SMPDL3A: variants seen among roughly 807,000 people sequenced by gnomAD.
SMPDL3A encodes the protein sphingomyelin phosphodiesterase acid like 3A, also known as cyclic GMP-AMP phosphodiesterase SMPDL3A.
Under a neutral mutation model 38.5 loss-of-function variants are expected in SMPDL3A, and 39 were observed. The ratio of observed to expected loss-of-function variants is 1.01; its 90% CI spans 0.78 to 1.32. The LOEUF is 1.32. Ranked by LOEUF, SMPDL3A falls within the 40% of genes most tolerant of loss-of-function variation. The pLI, the probability that SMPDL3A is intolerant of heterozygous loss-of-function variation, is 0.00. For synonymous variants in SMPDL3A, 180 were observed against 194.3 expected, an observed-to-expected ratio of 0.93 and a Z score of 0.61; for missense variants, 502 against 536.2, an observed-to-expected ratio of 0.94 and a Z score of 0.63.
chr6:122,796,754 G>A (rs777248239), intron 2 of SMPDL3A, 70 bp from the exon 3 acceptor site: 186 of 1,323,586 alleles, frequency 1.4e-4, no homozygotes, highest in Non-Finnish European at 1.8e-4. Context: ...GTATAGCAAC[G>A]CATCATGCAT....
rs1169977015 is a variant in SMPDL3A, at chr6:122,805,692, G to A, written c.920-541G>A. Among the ~76,000 whole-genome samples the A allele has an allele frequency of 2.0e-5, 3 of 152,080 alleles. No individual in the cohort carries two copies. In the South Asian group the frequency reaches 6.2e-4, roughly 32 times the overall value. On this transcript the variant is annotated intron_variant, in intron 6 of 7. Coordinates refer to ENST00000368440, the MANE Select transcript of SMPDL3A (RefSeq NM_006714.5). ...AGGCTGGAGCGCACCCTGCGATCTC[G>A]GCTCACTGCAACCTCTGCCTCCCTG...
chr6:122,799,842 A>G (rs1343791246), intron 3 of SMPDL3A, among the ~76,000 whole-genome samples: 1 of 152,194 alleles, frequency 6.6e-6, no homozygotes, highest in Non-Finnish European at 1.5e-5. Flanking sequence ...TTACCAATGT[A>G]CAGAAGTAAA....
rs1781504657 is a variant in SMPDL3A, at chr6:122,803,815, T to C, written c.720T>C (p.Ser240=). ...FEWLESTLNN[S]QQNKEKVYII... is the part of the protein sequence containing the mutation. ...GGCTAGAAAGTACATTGAACAACTC[T>C]CAGCAGAATAAGGAGAAGGTAGATC... is the stretch of plus-strand genomic sequence containing the variant. The change falls in exon 5 of 8, where the codon TCT becomes TCC. Residue 240 remains serine (S), a synonymous_variant. Coordinates refer to ENST00000368440, the MANE Select transcript of SMPDL3A (RefSeq NM_006714.5). 1 of 1,613,834 alleles carries C rather than the reference T, an allele frequency of 6.2e-7. No individual in the cohort carries two copies.
intron 3 of SMPDL3A, among the ~76,000 whole-genome samples, chr6:122,800,928 T>C (rs944881690): frequency 6.6e-6 from 1 of 152,134 alleles, no homozygotes; most frequent in Non-Finnish European, 1.5e-5. Context: ...TTTTTGTGTT[T>C]GTAGTAGAGA....
rs182883837 is a variant in SMPDL3A at position 122,793,453 on chromosome 6, C to T, written c.113-2224C>T. The stretch of plus-strand genomic sequence containing the variant: ...TTCATGTTCATTTACTATACCCTTA[C>T]ATTCTCGAAATAATACAAATACATG... On this transcript the variant is annotated intron_variant, in intron 1 of 7. Coordinates refer to ENST00000368440, the MANE Select transcript of SMPDL3A (RefSeq NM_006714.5). 2.6e-5 allele frequency among the ~76,000 whole-genome samples: 4 copies of T among 152,320 alleles called. No homozygotes were observed. The East Asian group carries it at 5.8e-4, about 22-fold the overall frequency.
chr6:122,795,366 C>A (rs1308497280), intron 1 of SMPDL3A, among the ~76,000 whole-genome samples: 1 of 152,132 alleles, frequency 6.6e-6, no homozygotes, highest in African/African-American at 2.4e-5. Flanking sequence ...TGGTCTCGAA[C>A]TCCTGACCTC....
Position 122,809,204 on chromosome 6 carries a change from A to C in SMPDL3A, c.1158A>C (p.Glu386Asp). ...ACGACATTGAAGATTTGCAGCCGGA[A>C]AGTTTATATGGATTAGCTAAACAAT... ...QTYDIEDLQP[E>D]SLYGLAKQFT... The change falls in exon 8 of 8, where the codon GAA (glutamate) becomes GAC (aspartate). Residue 386 changes from glutamate to aspartate, a missense_variant. Transcript: ENST00000368440. 6.2e-7 allele frequency: 1 copy of C among 1,614,204 alleles called. No individual in the cohort carries two copies. The highest frequency in any genetic ancestry group is 8.5e-7 in the Non-Finnish European group (1 of 1,180,020).
chr6:122,806,252 GT>G lies in SMPDL3A; in HGVS notation c.942del (p.Phe314LeufsTer9), dbSNP rs1781610676. 1.8e-5 allele frequency: 29 copies of G among 1,612,630 alleles called. No homozygotes were observed. The highest frequency in any genetic ancestry group is 2.4e-5 in the Non-Finnish European group (28 of 1,179,176). ...GTTCAGGAAGTCCAGTAAATTCTTT[GT>G]TTGTGGCTCCTGCTGTTACACCAGT... ...DKKGSPVNSL[F>X]VAPAVTPVKS... On this transcript the variant is annotated frameshift_variant, in exon 7 of 8. Coordinates refer to ENST00000368440, the MANE Select transcript of SMPDL3A (RefSeq NM_006714.5). LOFTEE classifies it high-confidence loss of function.
intron 1 of SMPDL3A, 21 bp from the exon 2 acceptor site, chr6:122,795,656 C>T (rs1234207773): frequency 6.4e-7 from 1 of 1,571,170 alleles, no homozygotes; most frequent in Non-Finnish European, 8.7e-7. Context: ...GATTTATCTG[C>T]ATTTTTTGTG....
intron 1 of SMPDL3A, chr6:122,790,013 A>C (rs1021877555): frequency 2.5e-5 from 6 of 239,886 alleles, no homozygotes; most frequent in Non-Finnish European, 3.4e-5. Context: ...CCTCGGGTAG[A>C]CTCACCCCTT....
At position 122,806,822 on chromosome 6, in the gene SMPDL3A, G is replaced by T. The variant is rs118027042; in HGVS notation, c.1044+465G>T. Reference sequence around the variant, plus strand: ...ATTTAATTCACTGAGTTGCTATGAGGATTGCATGAACAAATCTATGTAAAG... The same window carrying T: ...ATTTAATTCACTGAGTTGCTATGAGTATTGCATGAACAAATCTATGTAAAG... On this transcript the variant is annotated intron_variant, in intron 7 of 7. Transcript: ENST00000368440. 4.6e-3 allele frequency among the ~76,000 whole-genome samples: 706 copies of T among 152,286 alleles called. 14 individuals are homozygous for T. The East Asian group carries it at 0.052, about 11-fold the overall frequency.
At chr6:122,791,806 G>T (rs948938879) in intron 1 of SMPDL3A, among the ~76,000 whole-genome samples, 1 of 152,128 alleles carries the variant, frequency 6.6e-6, no homozygotes, top group Non-Finnish European at 1.5e-5. Flanking sequence ...CCATTCTCCT[G>T]CCTCAGCCTC....
intron 1 of SMPDL3A, among the ~76,000 whole-genome samples, chr6:122,790,558 G>C (rs1026073631): frequency 6.6e-6 from 1 of 152,184 alleles, no homozygotes; most frequent in Non-Finnish European, 1.5e-5. Flanking sequence ...TCAGGACTTG[G>C]GAGCGCTCTA....
chr6:122,809,365 A>G lies in SMPDL3A; in HGVS notation c.1319A>G (p.Tyr440Cys). 6.2e-7 allele frequency: 1 copy of G among 1,613,928 alleles called. No individual in the cohort carries two copies. Among genetic ancestry groups the G allele is most frequent in the Non-Finnish European group, 8.5e-7 (1 of 1,179,912 alleles). Reference sequence around the variant, plus strand: ...ATTATGAATCTTGATAATATTTCCTATGCAGATTGCCTCAAACAGCTTTAT... The same window carrying G: ...ATTATGAATCTTGATAATATTTCCTGTGCAGATTGCCTCAAACAGCTTTAT... ...CAIMNLDNIS[Y>C]ADCLKQLYIK... The change falls in exon 8 of 8, where the codon TAT becomes TGT. Residue 440 changes from tyrosine (Y) to cysteine (C), a missense_variant. By Grantham distance (194) the Tyr-to-Cys change is radical. Coordinates refer to ENST00000368440, the MANE Select transcript of SMPDL3A (RefSeq NM_006714.5).
At chr6:122,805,131 T>C (rs753091942) in intron 6 of SMPDL3A, 42 bp downstream of exon 6, 1 of 1,477,248 alleles carries the variant, frequency 6.8e-7, no homozygotes, top group Non-Finnish European at 9.1e-7. Flanking sequence ...TCTAAGAGTC[T>C]AGAGCAAAGC....
intron 5 of SMPDL3A, among the ~76,000 whole-genome samples, chr6:122,804,600 C>T (rs1422465048): frequency 7.2e-5 from 11 of 152,280 alleles, no homozygotes; most frequent in Admixed American, 6.5e-5. Flanking sequence ...AGCCACCTTG[C>T]GTAGCAAGTT....
At chr6:122,803,304 C>G (rs1191753096) in intron 4 of SMPDL3A, among the ~76,000 whole-genome samples, 1 of 152,210 alleles carries the variant, frequency 6.6e-6, no homozygotes, top group Admixed American at 6.5e-5. Flanking sequence ...CACAATGTCT[C>G]TCATCTTAAG....
intron 4 of SMPDL3A, among the ~76,000 whole-genome samples, chr6:122,802,537 C>T (rs2115171317): frequency 6.6e-6 from 1 of 152,196 alleles, no homozygotes; most frequent in South Asian, 2.1e-4. Context: ...CTACAAGACA[C>T]GTGGAGAGCT....
intron 3 of SMPDL3A, among the ~76,000 whole-genome samples, chr6:122,799,961 C>CTTTTT (rs112956534): frequency 4.0e-5 from 5 of 124,546 alleles, no homozygotes; most frequent in African/African-American, 5.8e-5. Context: ...TCAGTATTTA[C>CTTTTT]TTTTTTTTTT....
Sources: gnomAD v4.1 joint callset for allele counts (sites outside exome capture counted in the v4.1 genomes callset) on GRCh38, gnomAD v4.1.1 for gene constraint, MANE v1.5 for transcripts, NCBI Gene and HGNC (gene_info 2026-07-23, HGNC 2026-07-21) for gene names.